Variants in PLCL2 observed in about 807,000 individuals in gnomAD.
PLCL2 encodes the protein inactive phospholipase C-like protein 2.
A neutral mutation model predicts 79.6 loss-of-function variants in PLCL2; 4 were observed. The observed-to-expected ratio is 0.05, with a 90% CI of 0.02 to 0.11. PLCL2 has a LOEUF of 0.11. PLCL2 is among the 10% of genes least tolerant of loss of function. PLCL2 has a pLI of 1.00. For synonymous variants in PLCL2, 484 were observed against 457.7 expected, an observed-to-expected ratio of 1.06 and a Z score of -0.73; for missense variants, 895 against 1,291.0, an observed-to-expected ratio of 0.69 and a Z score of 4.70.
intron 1 of PLCL2, among the ~76,000 whole-genome samples, chr3:16,980,796 G>C (rs1347084966): frequency 1.3e-5 from 2 of 152,168 alleles, no homozygotes; most frequent in East Asian, 3.9e-4. Flanking sequence ...GCTGGGAGGT[G>C]GAGGTTGTAG....
intron 5 of PLCL2, among the ~76,000 whole-genome samples, chr3:17,069,250 G>A (rs556339047): frequency 3.3e-5 from 5 of 152,272 alleles, no homozygotes; most frequent in African/African-American, 1.2e-4. Context: ...TGGGCCCAGT[G>A]CTCAGAAATG....
intron 1 of PLCL2, among the ~76,000 whole-genome samples, chr3:16,901,887 C>T (rs139420893): frequency 2.6e-5 from 4 of 152,202 alleles, no homozygotes; most frequent in African/African-American, 4.8e-5. Context: ...CACCCTGCCC[C>T]GCTTGTGAAG....
chr3:16,963,343 T>C (rs1307365336), intron 1 of PLCL2, among the ~76,000 whole-genome samples: 1 of 152,002 alleles, frequency 6.6e-6, no homozygotes, highest in African/African-American at 2.4e-5. Context: ...CTTTGAAAAA[T>C]GTAGCAAGCC....
chr3:17,009,107 C>A lies in PLCL2; in HGVS notation c.328-567C>A, dbSNP rs916827055. On this transcript the variant is annotated intron_variant, in intron 1 of 5. Coordinates refer to ENST00000615277, the MANE Select transcript of PLCL2 (RefSeq NM_001144382.2). This position sits in a 1 kb window ranked among gnomAD's most constrained non-coding sequence, Gnocchi z 4.0. ...TCAAACGATTCTCCTGCCTCAGCCTCCCGAGTAGGTGGGATTACAGGCACC... is the reference window on the plus strand; with the variant it reads ...TCAAACGATTCTCCTGCCTCAGCCTACCGAGTAGGTGGGATTACAGGCACC... 6.6e-6 allele frequency among the ~76,000 whole-genome samples: 1 copy of A among 152,070 alleles called. No individual in the cohort carries two copies. The highest frequency in any genetic ancestry group is 2.4e-5 in the African/African-American group (1 of 41,406).
intron 1 of PLCL2, among the ~76,000 whole-genome samples, chr3:16,950,148 C>A (rs2063637655): frequency 6.6e-6 from 1 of 152,242 alleles, no homozygotes; most frequent in South Asian, 2.1e-4. Flanking sequence ...CCTTTTTTGG[C>A]ATCAACCTCT....
At chr3:16,977,355 C>G (rs536443292) in intron 1 of PLCL2, among the ~76,000 whole-genome samples, 9 of 152,250 alleles carry the variant, frequency 5.9e-5, no homozygotes, top group Admixed American at 3.9e-4. Flanking sequence ...GTTCCCCTCC[C>G]ACAGCCTGAA....
intron 1 of PLCL2, among the ~76,000 whole-genome samples, chr3:16,894,490 A>G (rs1696425196): frequency 6.6e-6 from 1 of 152,240 alleles, no homozygotes; most frequent in African/African-American, 2.4e-5. Context: ...ACATGTGTAC[A>G]TTCAGCTTTA....
intron 1 of PLCL2, among the ~76,000 whole-genome samples, chr3:17,003,436 G>C (rs1426091303): frequency 6.6e-6 from 1 of 152,192 alleles, no homozygotes; most frequent in Non-Finnish European, 1.5e-5. Context: ...GGTTTACTCA[G>C]AGTTCCTGCT....
At chr3:16,893,010 C>T (rs1696387278) in intron 1 of PLCL2, among the ~76,000 whole-genome samples, 1 of 152,190 alleles carries the variant, frequency 6.6e-6, no homozygotes. Flanking sequence ...TTGATCTTAG[C>T]AGTTTCTACC....
rs555385561 is a variant in PLCL2 at position 16,922,718 on chromosome 3, A to G, written c.327+37352A>G. ...AATACTTTCCTAGCCCATAGTAATA[A>G]AAATAAAAATATTATTAAGAAAAAA... On this transcript the variant is annotated intron_variant, in intron 1 of 5. Coordinates refer to ENST00000615277, the MANE Select transcript of PLCL2 (RefSeq NM_001144382.2). 2.7e-3 allele frequency among the ~76,000 whole-genome samples: 415 copies of G among 151,910 alleles called. 3 individuals carry two copies. Among genetic ancestry groups the G allele is most frequent in the African/African-American group, 9.4e-3 (391 of 41,506 alleles).
At chr3:17,052,509 C>T (rs1225368879) in intron 4 of PLCL2, among the ~76,000 whole-genome samples, 1 of 152,152 alleles carries the variant, frequency 6.6e-6, no homozygotes, top group Non-Finnish European at 1.5e-5. Flanking sequence ...GATACTGGCA[C>T]TGAAACTAAA....
chr3:16,943,291 C>T (rs754617703), intron 1 of PLCL2, among the ~76,000 whole-genome samples: 1 of 152,100 alleles, frequency 6.6e-6, no homozygotes, highest in Non-Finnish European at 1.5e-5. Flanking sequence ...AACAATTATC[C>T]TCTGTACTAG....
At chr3:16,967,581 G>T (rs906787849) in intron 1 of PLCL2, among the ~76,000 whole-genome samples, 5 of 151,924 alleles carry the variant, frequency 3.3e-5, no homozygotes, top group African/African-American at 1.2e-4. Context: ...AAAAGTGTCT[G>T]TTGGTGTCCT....
At position 17,045,328 on chromosome 3, in the gene PLCL2, T is replaced by G. The variant is rs1017577668; in HGVS notation, c.3094+2379T>G. On this transcript the variant is annotated intron_variant, in intron 4 of 5. Coordinates refer to ENST00000615277, the MANE Select transcript of PLCL2 (RefSeq NM_001144382.2). ...CCTTGTTTAAATAACTGAGTGGAAATAAAGAGTCAGACATCCACCCCCAAA... is the reference window on the plus strand; with the variant it reads ...CCTTGTTTAAATAACTGAGTGGAAAGAAAGAGTCAGACATCCACCCCCAAA... 2.2e-4 allele frequency among the ~76,000 whole-genome samples: 34 copies of G among 152,132 alleles called. 1 individual carries two copies. Among genetic ancestry groups the G allele is most frequent in the Admixed American group, 2.2e-3 (33 of 15,274 alleles).
chr3:17,082,773 A>T (rs1407751029), intron 5 of PLCL2, among the ~76,000 whole-genome samples: 1 of 152,294 alleles, frequency 6.6e-6, no homozygotes, highest in South Asian at 2.1e-4. Context: ...ACACGGAAAG[A>T]TCACTAAGAC....
chr3:16,999,055 G>A (rs1391505085), intron 1 of PLCL2, among the ~76,000 whole-genome samples: 1 of 152,030 alleles, frequency 6.6e-6, no homozygotes, highest in Admixed American at 6.6e-5. Flanking sequence ...GAGATTATGG[G>A]GATCATTGCT....
chr3:17,088,361 G>T (rs1397549340), intron 5 of PLCL2, among the ~76,000 whole-genome samples: 1 of 151,940 alleles, frequency 6.6e-6, no homozygotes, highest in Admixed American at 6.6e-5. Flanking sequence ...GTGTAAGTAG[G>T]ACAAAGAAAA....
Position 17,077,485 on chromosome 3 carries a change from T to C in PLCL2, c.3204+9420T>C, listed in dbSNP as rs533614160. Among the ~76,000 whole-genome samples the C allele has an allele frequency of 5.3e-5, 8 of 152,350 alleles. No homozygotes were observed. In the East Asian group the frequency reaches 1.5e-3, roughly 29 times the overall value. ...TTTGCTGCTGTTTGTGGCTTTTTGC[T>C]TGGCTTTGTTTTTGCTCATTTCATC... is the stretch of plus-strand genomic sequence containing the variant. On this transcript the variant is annotated intron_variant, in intron 5 of 5. Coordinates refer to ENST00000615277, the MANE Select transcript of PLCL2 (RefSeq NM_001144382.2).
At chr3:16,890,573 T>C (rs1696322798) in intron 1 of PLCL2, among the ~76,000 whole-genome samples, 1 of 152,250 alleles carries the variant, frequency 6.6e-6, no homozygotes, top group African/African-American at 2.4e-5. Context: ...TGTTCAAGAA[T>C]AGATGCTTTC....
Sources: gnomAD v4.1 joint callset for allele counts (sites outside exome capture counted in the v4.1 genomes callset) on GRCh38, gnomAD v4.1.1 for gene constraint, Gnocchi (gnomAD v3.1) non-coding constraint, MANE v1.5 for transcripts, NCBI Gene and HGNC (gene_info 2026-07-23, HGNC 2026-07-21) for gene names.